C1orf21: variants seen among roughly 807,000 people sequenced by gnomAD.
C1orf21 encodes the protein chromosome 1 open reading frame 21.
In C1orf21, 3 loss-of-function variants were observed where a neutral mutation model predicts 18.7. That is an observed-to-expected ratio of 0.16 (90% CI 0.07 to 0.42). The LOEUF (loss-of-function observed/expected upper bound fraction) is 0.42, where lower values mean the gene tolerates loss of function less well. C1orf21 is among the 10% of genes least tolerant of loss of function. C1orf21 has a pLI of 0.99. For missense variants in C1orf21, 104 were observed against 143.6 expected, an observed-to-expected ratio of 0.72 and a Z score of 1.41; for synonymous variants, 41 against 46.4, an observed-to-expected ratio of 0.88 and a Z score of 0.47.
rs114139370 is a variant in C1orf21, at chr1:184,484,381, T to C, written c.94+6778T>C. 7.4e-3 allele frequency among the ~76,000 whole-genome samples: 1,125 copies of C among 152,360 alleles called. 12 individuals are homozygous for C. Among genetic ancestry groups the C allele is most frequent in the African/African-American group, 0.026 (1,069 of 41,576 alleles). On this transcript the variant is annotated intron_variant, in intron 2 of 5. Coordinates refer to ENST00000235307, the MANE Select transcript of C1orf21 (RefSeq NM_030806.4). ...TTCATGTCTTTAAATCCTGCTTGTT[T>C]TCCAAATATAAACTTTTATACAGAG...
intron 3 of C1orf21, among the ~76,000 whole-genome samples, chr1:184,579,976 C>T (rs75849489): frequency 0.05 from 7,632 of 152,244 alleles, 287 homozygotes; most frequent in Non-Finnish European, 0.08. Flanking sequence ...GAGCAGGAGC[C>T]TTGTCATGGT....
chr1:184,477,825 A>C (rs1657595106), intron 2 of C1orf21, among the ~76,000 whole-genome samples: 1 of 152,184 alleles, frequency 6.6e-6, no homozygotes, highest in African/African-American at 2.4e-5. Flanking sequence ...AGCTATTTGG[A>C]AACATACAGT....
intron 5 of C1orf21, among the ~76,000 whole-genome samples, chr1:184,614,654 A>G (rs1272742027): frequency 3.3e-5 from 5 of 152,198 alleles, no homozygotes; most frequent in South Asian, 2.1e-4. Context: ...CTGTTATTAC[A>G]TATTCACCAT....
At chr1:184,406,758 T>C (rs890076691) in intron 1 of C1orf21, among the ~76,000 whole-genome samples, 1 of 152,144 alleles carries the variant, frequency 6.6e-6, no homozygotes, top group Non-Finnish European at 1.5e-5. Flanking sequence ...ACAGTAAGTG[T>C]GTTTTTTCCT....
At chr1:184,502,140 A>G (rs1421469420) in intron 2 of C1orf21, among the ~76,000 whole-genome samples, 4 of 134,888 alleles carry the variant, frequency 3.0e-5, no homozygotes, top group African/African-American at 1.1e-4. Context: ...TGCTGTAACA[A>G]AATGCCACAG....
At chr1:184,398,801 A>T (rs1168692602) in intron 1 of C1orf21, among the ~76,000 whole-genome samples, 1 of 152,230 alleles carries the variant, frequency 6.6e-6, no homozygotes, top group African/African-American at 2.4e-5. Context: ...ATAAAATATA[A>T]AAAATGATAT....
intron 2 of C1orf21, among the ~76,000 whole-genome samples, chr1:184,478,536 G>A (rs548019418): frequency 5.9e-5 from 9 of 152,268 alleles, no homozygotes; most frequent in East Asian, 3.9e-4. Context: ...TGAGACAACC[G>A]TCAGGAGGTG....
rs368774684 is a variant in C1orf21 at position 184,422,060 on chromosome 1, C to T, written c.-125+34692C>T. 1.8e-3 allele frequency among the ~76,000 whole-genome samples: 273 copies of T among 152,292 alleles called. 1 individual carries two copies. The highest frequency in any genetic ancestry group is 0.015 in the South Asian group (71 of 4,826). ...AGATATCAACTGAATACGTGGGGAG[C>T]ATTCTTGGAAGAAGTCCGATGGGAT... On this transcript the variant is annotated intron_variant, in intron 1 of 5. Coordinates refer to ENST00000235307, the MANE Select transcript of C1orf21 (RefSeq NM_030806.4).
rs1473249460 is a variant in C1orf21, at chr1:184,627,178, G to C, written c.*7622G>C. ...TACCTGGAGGCTGCCAGAGCTGGGA[G>C]CTCTGCAGGTATGAGTCAGGGAAGG... On this transcript the variant is annotated 3_prime_UTR_variant, in exon 6 of 6. Transcript: ENST00000235307. 1 of 152,518 alleles carries C rather than the reference G, an allele frequency of 6.6e-6. No homozygotes were observed. Among genetic ancestry groups the C allele is most frequent in the African/African-American group, 2.4e-5 (1 of 41,436 alleles). The allele number at this position is 152,518 out of a possible 1,614,324, so 9.4% of individuals were successfully genotyped here. A position where few individuals can be genotyped will look rare whatever the true frequency, so the allele number is the denominator to read the frequency against.
chr1:184,485,000 G>A (rs1240006661), intron 2 of C1orf21, among the ~76,000 whole-genome samples: 7 of 152,012 alleles, frequency 4.6e-5, no homozygotes, highest in Non-Finnish European at 7.4e-5. Flanking sequence ...AATTAAATGA[G>A]AAAATACATC....
Position 184,622,702 on chromosome 1 carries a change from G to A in C1orf21, c.*3146G>A, listed in dbSNP as rs1204815142. On this transcript the variant is annotated 3_prime_UTR_variant, in exon 6 of 6. Transcript: ENST00000235307. ...CCACGCACACAGAAGCCTGCTGGAAGACAGGTCTCTCTCCGTCCACAGTGC... is the reference window on the plus strand; with the variant it reads ...CCACGCACACAGAAGCCTGCTGGAAAACAGGTCTCTCTCCGTCCACAGTGC... The A allele has an allele frequency of 1.3e-5, 2 of 152,752 alleles. No homozygotes were observed. Among genetic ancestry groups the A allele is most frequent in the African/African-American group, 4.8e-5 (2 of 41,436 alleles). 9.5% of individuals were successfully genotyped at this position (152,752 alleles called of 1,614,324 possible). A position where few individuals can be genotyped will look rare whatever the true frequency, so the allele number is the denominator to read the frequency against.
rs1202742376 is a variant in C1orf21, at chr1:184,410,646, TATATATATATATATATA to T, written c.-125+23279_-125+23295del. On this transcript the variant is annotated intron_variant, in intron 1 of 5. Transcript: ENST00000235307. ...ATATATATATATATATATATATATA[TATATATATATATATATA>T]TTTTTTTTTTTTTTTTTTGAGATGG... Among the ~76,000 whole-genome samples, 36 of 5,828 alleles carry T rather than the reference TATATATATATATATATA, an allele frequency of 6.2e-3. 4 individuals are homozygous for T. Among genetic ancestry groups the T allele is most frequent in the African/African-American group, 0.035 (9 of 260 alleles). The allele number at this position is 5,828 out of a possible 152,430, so 3.8% of individuals were successfully genotyped here.
intron 1 of C1orf21, among the ~76,000 whole-genome samples, chr1:184,405,447 C>T (rs559264820): frequency 4.3e-4 from 65 of 152,212 alleles, no homozygotes; most frequent in African/African-American, 1.5e-3. Context: ...CTACCTGCCT[C>T]GGCCTCCAAA....
In C1orf21 at chr1:184,625,042, G is replaced by A. The variant is rs370338964; in HGVS notation, c.*5486G>A. 1.3e-5 allele frequency: 2 copies of A among 152,224 alleles called. No individual in the cohort carries two copies. Among genetic ancestry groups the A allele is most frequent in the East Asian group, 1.9e-4 (1 of 5,200 alleles). 9.4% of individuals were successfully genotyped at this position (152,224 alleles called of 1,614,324 possible). On this transcript the variant is annotated 3_prime_UTR_variant, in exon 6 of 6. Coordinates refer to ENST00000235307, the MANE Select transcript of C1orf21 (RefSeq NM_030806.4). ...GGCAGCTGTCATGTCCCTTCAAGATGATGTGGGAAATGGCCCTTACAACTT... is the reference window on the plus strand; with the variant it reads ...GGCAGCTGTCATGTCCCTTCAAGATAATGTGGGAAATGGCCCTTACAACTT...
intron 1 of C1orf21, among the ~76,000 whole-genome samples, chr1:184,465,958 C>T (rs1211344261): frequency 6.6e-6 from 1 of 152,186 alleles, no homozygotes; most frequent in East Asian, 1.9e-4. Context: ...TCCTGGTGGT[C>T]AGCCTCAGGC....
At chr1:184,456,052 A>G (rs933676634) in intron 1 of C1orf21, among the ~76,000 whole-genome samples, 2 of 152,186 alleles carry the variant, frequency 1.3e-5, no homozygotes, top group Admixed American at 6.5e-5. Context: ...CTCTCAGAAC[A>G]TTACTCCTCC....
chr1:184,470,217 G>A (rs765458607), intron 1 of C1orf21, among the ~76,000 whole-genome samples: 5 of 152,168 alleles, frequency 3.3e-5, no homozygotes, highest in Non-Finnish European at 5.9e-5. Flanking sequence ...CTCTGGGCAA[G>A]CTGATTTCAC....
Position 184,628,969 on chromosome 1 carries a change from T to G in C1orf21, c.*9413T>G, listed in dbSNP as rs554219246. The G allele has an allele frequency of 2.0e-5, 3 of 152,768 alleles. No homozygotes were observed. Among genetic ancestry groups the G allele is most frequent in the South Asian group, 4.1e-4 (2 of 4,830 alleles). 9.5% of individuals were successfully genotyped at this position (152,768 alleles called of 1,614,324 possible). A position where few individuals can be genotyped will look rare whatever the true frequency, so the allele number is the denominator to read the frequency against. On this transcript the variant is annotated 3_prime_UTR_variant, in exon 6 of 6. Coordinates refer to ENST00000235307, the MANE Select transcript of C1orf21 (RefSeq NM_030806.4). ...CATATTTATACATGTGTATTTTTGT[T>G]TATTGTTACATTTTGACATTGGACT...
chr1:184,457,446 A>G (rs1196009476), intron 1 of C1orf21, among the ~76,000 whole-genome samples: 1 of 151,826 alleles, frequency 6.6e-6, no homozygotes, highest in African/African-American at 2.4e-5. Flanking sequence ...CTCCAGGCTA[A>G]CTAGTTGAAT....
Sources: allele counts gnomAD v4.1 joint callset (sites outside exome capture counted in the v4.1 genomes callset), GRCh38; gene constraint gnomAD v4.1.1; transcripts MANE v1.5; gene names NCBI Gene and HGNC (gene_info 2026-07-23, HGNC 2026-07-21).